Variants in GRIA2 observed in about 807,000 individuals in gnomAD.
GRIA2 encodes glutamate ionotropic receptor AMPA type subunit 2, also known as glutamate receptor 2.
A neutral mutation model predicts 97.3 loss-of-function variants in GRIA2; 14 were observed. The observed-to-expected ratio is 0.14, with a 90% CI of 0.10 to 0.23. The LOEUF (loss-of-function observed/expected upper bound fraction) is 0.23. GRIA2 is among the 10% of genes least tolerant of loss of function. The pLI is 1.00. For missense variants in GRIA2, 558 were observed against 1,069.8 expected, an observed-to-expected ratio of 0.52 and a Z score of 6.67; for synonymous variants, 412 against 387.8, an observed-to-expected ratio of 1.06 and a Z score of -0.73.
At chr4:157,260,598 C>T (rs1351646022) in intron 2 of GRIA2, among the ~76,000 whole-genome samples, 1 of 152,054 alleles carries the variant, frequency 6.6e-6, no homozygotes, top group East Asian at 1.9e-4. Flanking sequence ...ATGTCATTGG[C>T]TACAATTTAG....
intron 3 of GRIA2, among the ~76,000 whole-genome samples, chr4:157,304,343 C>A (rs1241064261): frequency 6.6e-6 from 1 of 152,136 alleles, no homozygotes; most frequent in East Asian, 1.9e-4. Context: ...TGACACCATT[C>A]CACATAATTG....
Position 157,220,764 on chromosome 4 carries a change from C to T in GRIA2, c.-279C>T, listed in dbSNP as rs1579280695. ...AGTGCATGGGAGGGTGCTGAATATT[C>T]CGAGACACTGGGACCACAGCGGCAG... On this transcript the variant is annotated 5_prime_UTR_variant, in exon 1 of 16. Transcript: ENST00000264426. The T allele has an allele frequency of 2.0e-6, 1 of 505,150 alleles. No individual in the cohort carries two copies. The highest frequency in any genetic ancestry group is 3.6e-6 in the Non-Finnish European group (1 of 279,166). The allele number at this position is 505,150 out of a possible 1,614,324, so 31.3% of individuals were successfully genotyped here.
chr4:157,267,763 A>G (rs990496945), intron 2 of GRIA2, among the ~76,000 whole-genome samples: 1 of 152,036 alleles, frequency 6.6e-6, no homozygotes, highest in Non-Finnish European at 1.5e-5. Context: ...TAACATTAGG[A>G]GCAGTTTTTT....
chr4:157,353,398 T>C (rs1282948662), intron 12 of GRIA2, among the ~76,000 whole-genome samples: 3 of 151,258 alleles, frequency 2.0e-5, no homozygotes, highest in African/African-American at 7.3e-5. Context: ...GGCCAGGGCG[T>C]GGTGGCTCAC....
intron 2 of GRIA2, among the ~76,000 whole-genome samples, chr4:157,284,960 T>C (rs1272457683): frequency 6.6e-6 from 1 of 151,760 alleles, no homozygotes; most frequent in African/African-American, 2.4e-5. Flanking sequence ...AATGAAATTA[T>C]TGCTGGTGTG....
chr4:157,337,317 A>T (rs1359733511), intron 11 of GRIA2, among the ~76,000 whole-genome samples: 1 of 152,044 alleles, frequency 6.6e-6, no homozygotes, highest in Non-Finnish European at 1.5e-5. Context: ...TCATTCATTA[A>T]AAAACCTGTC....
At position 157,335,837 on chromosome 4, in the gene GRIA2, C is replaced by G; in HGVS notation, c.1433C>G (p.Thr478Arg). 1 of 1,611,792 alleles carries G rather than the reference C, an allele frequency of 6.2e-7. No individual in the cohort carries two copies. Among genetic ancestry groups the G allele is most frequent in the Non-Finnish European group, 8.5e-7 (1 of 1,178,602 alleles). ...AAGTATGGGGCCAGGGATGCAGACA[C>G]GAAAATTTGGAATGGGATGGTTGGA... ...DGKYGARDAD[T>R]KIWNGMVGEL... Residue 478 changes from threonine to arginine, a missense_variant, in exon 10 of 16, where the codon ACG becomes AGG. By Grantham distance (71) the Thr-to-Arg change is moderately conservative (BLOSUM62 -1). Transcript: ENST00000264426.
intron 5 of GRIA2, among the ~76,000 whole-genome samples, chr4:157,319,452 T>G (rs561708580): frequency 1.3e-5 from 2 of 152,352 alleles, no homozygotes; most frequent in East Asian, 3.9e-4. Flanking sequence ...CTGTCATGCT[T>G]CTTGAGAGAA....
At chr4:157,291,986 A>C (rs187996753) in intron 2 of GRIA2, among the ~76,000 whole-genome samples, 6 of 152,162 alleles carry the variant, frequency 3.9e-5, no homozygotes, top group African/African-American at 1.4e-4. Flanking sequence ...AATCTAATAA[A>C]ATGTTTGAAA....
At chr4:157,355,849 TTA>T (rs373989469) in intron 12 of GRIA2, among the ~76,000 whole-genome samples, 45,278 of 86,312 alleles carry the variant, frequency 0.52, 15,043 homozygotes, top group South Asian at 0.78. Context: ...ATATATTTAT[TTA>T]TATATATGTA....
intron 2 of GRIA2, among the ~76,000 whole-genome samples, chr4:157,244,252 T>C (rs547326744): frequency 6.6e-6 from 1 of 151,894 alleles, no homozygotes; most frequent in South Asian, 2.1e-4. Flanking sequence ...CAAAAACAAA[T>C]AAACCAACAA....
chr4:157,361,308 C>G lies in GRIA2; in HGVS notation c.2406+184C>G, dbSNP rs1434364832. 1.3e-5 allele frequency among the ~76,000 whole-genome samples: 2 copies of G among 152,078 alleles called. No homozygotes were observed. The highest frequency in any genetic ancestry group is 4.8e-5 in the African/African-American group (2 of 41,410). On this transcript the variant is annotated intron_variant, in intron 14 of 15. Transcript: ENST00000264426. This position sits in a 1 kb window ranked among gnomAD's most constrained non-coding sequence, Gnocchi z 5.2. ...CTACTTCTCTTTCCCTCTCTTTCTCCATATCTCAAGGAAAAATTTGTAACT... is the reference window on the plus strand; with the variant it reads ...CTACTTCTCTTTCCCTCTCTTTCTCGATATCTCAAGGAAAAATTTGTAACT...
intron 2 of GRIA2, among the ~76,000 whole-genome samples, chr4:157,244,501 C>T (rs114792995): frequency 0.021 from 3,139 of 152,050 alleles, 35 homozygotes; most frequent in Middle Eastern, 0.034. Context: ...AAAATATATT[C>T]GTCTGATTGG....
chr4:157,221,336 T>C, intron 1 of GRIA2: 2 of 559,946 alleles, frequency 3.6e-6, no homozygotes, highest in East Asian at 5.9e-5. Context: ...GAAAAGGTCC[T>C]CTCATTTCGG....
At chr4:157,221,391 T>C (rs1344885015) in intron 1 of GRIA2, 1 of 565,864 alleles carries the variant, frequency 1.8e-6, no homozygotes, top group African/African-American at 1.9e-5. Context: ...TTTTCCAGTT[T>C]GCTCAGATTT....
chr4:157,289,147 GA>G (rs1286553940), intron 2 of GRIA2, among the ~76,000 whole-genome samples: 1 of 151,706 alleles, frequency 6.6e-6, no homozygotes, highest in African/African-American at 2.4e-5. Context: ...TTAAGTGTTA[GA>G]AAAAAATGTT....
intron 14 of GRIA2, chr4:157,362,484 G>A (rs543480575): frequency 3.3e-5 from 16 of 488,194 alleles, no homozygotes; most frequent in Admixed American, 4.6e-5. Context: ...TTTTTCCCAC[G>A]GTAATGGAAT....
intron 9 of GRIA2, chr4:157,334,695 A>G (rs971876783): frequency 1.3e-5 from 2 of 152,078 alleles, no homozygotes; most frequent in Non-Finnish European, 2.9e-5. Flanking sequence ...TCAGCATGAC[A>G]AGCTGTTGGT....
At chr4:157,357,574 A>G (rs776276910) in intron 12 of GRIA2, among the ~76,000 whole-genome samples, 1 of 152,134 alleles carries the variant, frequency 6.6e-6, no homozygotes, top group Non-Finnish European at 1.5e-5. Context: ...CTACAATTAC[A>G]TCATAAAATC....
Sources: allele counts gnomAD v4.1 joint callset (sites outside exome capture counted in the v4.1 genomes callset), GRCh38; gene constraint gnomAD v4.1.1; non-coding constraint Gnocchi (gnomAD v3.1); transcripts MANE v1.5; gene names NCBI Gene and HGNC (gene_info 2026-07-23, HGNC 2026-07-21).